RAPGEF1: variants seen among roughly 807,000 people sequenced by gnomAD.
RAPGEF1 encodes the protein CRK SH3-binding GNRP.
RAPGEF1 carries 33 observed loss-of-function variants against 143.3 expected under a neutral mutation model. That is an observed-to-expected ratio of 0.23 (90% confidence interval 0.17 to 0.31). The LOEUF (loss-of-function observed/expected upper bound fraction) is 0.31, where lower values mean the gene tolerates loss of function less well. RAPGEF1 is among the 10% of genes least tolerant of loss of function. The pLI, the probability that RAPGEF1 is intolerant of heterozygous loss-of-function variation, is 1.00. For missense variants in RAPGEF1, 1,199 were observed against 1,645.4 expected, an observed-to-expected ratio of 0.73 and a Z score of 4.69; for synonymous variants, 629 against 676.5, an observed-to-expected ratio of 0.93 and a Z score of 1.09.
At chr9:131,718,919 A>G (rs1382405427) in intron 1 of RAPGEF1, among the ~76,000 whole-genome samples, 4 of 152,210 alleles carry the variant, frequency 2.6e-5, no homozygotes, top group African/African-American at 7.2e-5. Context: ...CCCTTTACAG[A>G]GCACGTACAC....
rs557217315 is a variant in RAPGEF1 at position 131,641,711 on chromosome 9, C to T, written c.494+1528G>A. On this transcript the variant is annotated intron_variant, in intron 4 of 26. Coordinates refer to ENST00000683357, the MANE Select transcript of RAPGEF1 (RefSeq NM_001377935.1). The surrounding 1 kb of genome is among the most constrained non-coding windows in gnomAD (Gnocchi z 4.6). Reference sequence around the variant, plus strand: ...CGTCAGCACATGCGCTCCTAGGAGCCCAGCACCGAACACTTCTAAGAGCCG... The same window carrying T: ...CGTCAGCACATGCGCTCCTAGGAGCTCAGCACCGAACACTTCTAAGAGCCG... Among the ~76,000 whole-genome samples, 1 of 152,240 alleles carries T rather than the reference C, an allele frequency of 6.6e-6. No individual in the cohort carries two copies. The highest frequency in any genetic ancestry group is 2.4e-5 in the African/African-American group (1 of 41,538).
intron 1 of RAPGEF1, among the ~76,000 whole-genome samples, chr9:131,712,797 C>T (rs1835599946): frequency 6.6e-6 from 1 of 152,112 alleles, no homozygotes; most frequent in Non-Finnish European, 1.5e-5. Flanking sequence ...AAATGAGGAC[C>T]CTGTGGTCCA....
At chr9:131,666,756 G>A (rs1457845769) in intron 1 of RAPGEF1, among the ~76,000 whole-genome samples, 1 of 152,154 alleles carries the variant, frequency 6.6e-6, no homozygotes, top group Non-Finnish European at 1.5e-5. Flanking sequence ...AACGATTAAT[G>A]AGCTATTTAC....
chr9:131,596,505 C>A, intron 16 of RAPGEF1, 132 bp from the exon 17 acceptor site: 1 of 895,252 alleles, frequency 1.1e-6, no homozygotes, highest in Admixed American at 2.0e-5. Flanking sequence ...CTGTGCTCCT[C>A]GGCCCAGGAG....
chr9:131,653,695 C>T (rs1373410204), intron 1 of RAPGEF1, among the ~76,000 whole-genome samples: 2 of 152,236 alleles, frequency 1.3e-5, no homozygotes, highest in African/African-American at 4.8e-5. Flanking sequence ...AACATGGTTT[C>T]TCTGCTTTGG....
At chr9:131,629,070 G>A in intron 7 of RAPGEF1, 32 bp downstream of exon 7, 1 of 1,600,626 alleles carries the variant, frequency 6.2e-7, no homozygotes, top group South Asian at 1.1e-5. Flanking sequence ...ATTCTGCCAT[G>A]GGAGGCACTG....
chr9:131,622,435 G>A (rs1961411035), intron 10 of RAPGEF1, among the ~76,000 whole-genome samples: 2 of 152,186 alleles, frequency 1.3e-5, no homozygotes, highest in Non-Finnish European at 2.9e-5. Flanking sequence ...AAAGCCAGAG[G>A]CTTCTCTGCA....
chr9:131,588,762 C>A (rs762617324), intron 20 of RAPGEF1, 39 bp downstream of exon 20: 2 of 1,574,368 alleles, frequency 1.3e-6, no homozygotes, highest in Non-Finnish European at 1.7e-6. Context: ...AGGCACGGCT[C>A]CTGGGGAAGA....
rs1963887454 is a variant in RAPGEF1 at position 131,628,373 on chromosome 9, T to C, written c.1017+176A>G. On this transcript the variant is annotated intron_variant, in intron 8 of 26. Transcript: ENST00000683357. This position sits in a 1 kb window ranked among gnomAD's most constrained non-coding sequence, Gnocchi z 5.7. ...CTCCCTGCCCTGACCCTTATCCCCA[T>C]ATGGGAACTTGGACCGTGTCCTGGA... Among the ~76,000 whole-genome samples, 1 of 152,164 alleles carries C rather than the reference T, an allele frequency of 6.6e-6. No individual in the cohort carries two copies. The highest frequency in any genetic ancestry group is 2.1e-4 in the South Asian group (1 of 4,824).
In RAPGEF1 at chr9:131,621,845, A is replaced by T. The variant is rs1157121826; in HGVS notation, c.1856T>A (p.Val619Glu). Residue 619 changes from valine (V) to glutamate (E), a missense_variant, in exon 11 of 27, where the codon GTG becomes GAG. Val to Glu is a moderately radical substitution (Grantham distance 121). Transcript: ENST00000683357. This position sits in a 1 kb window ranked among gnomAD's most constrained non-coding sequence, Gnocchi z 4.5. Reference sequence around the variant, plus strand: ...GGCGGGCGGCGGGGCCAGCTCCTGCACGGAGTCCACCCCACTGAAGGAGTC... The same window carrying T: ...GGCGGGCGGCGGGGCCAGCTCCTGCTCGGAGTCCACCCCACTGAAGGAGTC... ...FSDSFSGVDS[V>E]QELAPPPALP... 1 of 1,611,410 alleles carries T rather than the reference A, an allele frequency of 6.2e-7. No homozygotes were observed. Among genetic ancestry groups the T allele is most frequent in the Admixed American group, 1.7e-5 (1 of 59,552 alleles).
At chr9:131,690,670 G>A (rs1424822949) in intron 1 of RAPGEF1, among the ~76,000 whole-genome samples, 1 of 152,134 alleles carries the variant, frequency 6.6e-6, no homozygotes, top group African/African-American at 2.4e-5. Flanking sequence ...AGGCATGGTG[G>A]CATACACCTG....
intron 17 of RAPGEF1, among the ~76,000 whole-genome samples, chr9:131,593,086 A>C (rs1214312326): frequency 6.6e-6 from 1 of 152,178 alleles, no homozygotes; most frequent in Non-Finnish European, 1.5e-5. Context: ...ATCCGGGGAA[A>C]TTCCACGTTT....
chr9:131,674,863 G>A (rs902644638), intron 1 of RAPGEF1, among the ~76,000 whole-genome samples: 10 of 152,132 alleles, frequency 6.6e-5, no homozygotes, highest in Non-Finnish European at 8.8e-5. Flanking sequence ...CATCGCTACC[G>A]AGGTCAGGGG....
chr9:131,672,960 T>G (rs971175927), intron 1 of RAPGEF1, among the ~76,000 whole-genome samples: 1 of 152,066 alleles, frequency 6.6e-6, no homozygotes, highest in Non-Finnish European at 1.5e-5. Context: ...GTGTGTGGAG[T>G]GACAGACATA....
At chr9:131,670,375 C>T (rs1380012034) in intron 1 of RAPGEF1, among the ~76,000 whole-genome samples, 3 of 152,188 alleles carry the variant, frequency 2.0e-5, no homozygotes, top group Non-Finnish European at 4.4e-5. Context: ...TCCCCACCCT[C>T]GCTTCTGACG....
chr9:131,592,414 A>T (rs577182402), intron 17 of RAPGEF1, among the ~76,000 whole-genome samples: 1 of 152,266 alleles, frequency 6.6e-6, no homozygotes, highest in Non-Finnish European at 1.5e-5. Flanking sequence ...CAGATCAGAG[A>T]GGGGAAACAG....
intron 1 of RAPGEF1, among the ~76,000 whole-genome samples, chr9:131,729,476 A>G (rs1052549056): frequency 2.2e-4 from 33 of 152,242 alleles, no homozygotes; most frequent in African/African-American, 7.7e-4. Flanking sequence ...AAGCCACTTC[A>G]ATAATGGAGA....
At chr9:131,715,937 G>A (rs1299775749) in intron 1 of RAPGEF1, among the ~76,000 whole-genome samples, 2 of 151,054 alleles carry the variant, frequency 1.3e-5, no homozygotes, top group Non-Finnish European at 2.9e-5. Flanking sequence ...TGGAGAAACT[G>A]AGGTCCAGAG....
intron 1 of RAPGEF1, among the ~76,000 whole-genome samples, chr9:131,738,477 C>T (rs11243497): frequency 0.018 from 2,780 of 152,182 alleles, 93 homozygotes; most frequent in African/African-American, 0.064. Context: ...GAGAAAAATA[C>T]TCAAGAAATG....
Sources: gnomAD v4.1 joint callset for allele counts (sites outside exome capture counted in the v4.1 genomes callset) on GRCh38, gnomAD v4.1.1 for gene constraint, Gnocchi (gnomAD v3.1) non-coding constraint, MANE v1.5 for transcripts, NCBI Gene and HGNC (gene_info 2026-07-23, HGNC 2026-07-21) for gene names.